PPFIA2: variants seen among roughly 807,000 people sequenced by gnomAD.
PPFIA2 encodes the protein PPFI scaffold protein A2.
A neutral mutation model predicts 175.5 loss-of-function variants in PPFIA2; 46 were observed. That is an observed-to-expected ratio of 0.26 (90% confidence interval 0.21 to 0.34). The LOEUF is 0.34. Ranked by LOEUF, PPFIA2 falls within the 10% of genes least tolerant of loss-of-function variation. PPFIA2 has a pLI of 1.00. For missense variants in PPFIA2, 1,179 were observed against 1,506.1 expected (o/e 0.78, Z 3.60); for synonymous variants, 568 against 511.4 (o/e 1.11, Z -1.49).
At chr12:81,396,151 T>C (rs1209886216) in intron 8 of PPFIA2, among the ~76,000 whole-genome samples, 1 of 152,028 alleles carries the variant, frequency 6.6e-6, no homozygotes, top group African/African-American at 2.4e-5. Flanking sequence ...ATTTATAAAG[T>C]TAATCATTAA....
At chr12:81,469,444 G>A (rs1282378770) in intron 4 of PPFIA2, among the ~76,000 whole-genome samples, 3 of 152,270 alleles carry the variant, frequency 2.0e-5, no homozygotes, top group East Asian at 3.9e-4. Flanking sequence ...AGGGTGCCCC[G>A]CATGCACCCC....
At chr12:81,663,916 C>T (rs1235129778) in intron 4 of PPFIA2, among the ~76,000 whole-genome samples, 1 of 152,130 alleles carries the variant, frequency 6.6e-6, no homozygotes, top group Non-Finnish European at 1.5e-5. Flanking sequence ...TTTGACAAAC[C>T]TGACAAAAAC....
chr12:81,520,955 G>A (rs906141411), intron 4 of PPFIA2, among the ~76,000 whole-genome samples: 2 of 152,102 alleles, frequency 1.3e-5, no homozygotes, highest in African/African-American at 4.8e-5. Context: ...ATTTTTTTAG[G>A]GGGGGTGAGG....
chr12:81,622,959 T>C (rs750628016), intron 4 of PPFIA2, among the ~76,000 whole-genome samples: 9 of 152,102 alleles, frequency 5.9e-5, no homozygotes, highest in Non-Finnish European at 1.3e-4. Context: ...AATATACACA[T>C]ACAGCAAGGT....
intron 28 of PPFIA2, among the ~76,000 whole-genome samples, chr12:81,275,681 ACT>A (rs1489679406): frequency 6.6e-6 from 1 of 151,968 alleles, no homozygotes; most frequent in African/African-American, 2.4e-5. Flanking sequence ...GCACATATCA[ACT>A]CTTGGATAAT....
intron 19 of PPFIA2, among the ~76,000 whole-genome samples, chr12:81,343,186 C>T (rs184167669): frequency 3.9e-5 from 6 of 152,088 alleles, no homozygotes; most frequent in African/African-American, 7.2e-5. Flanking sequence ...TTATTTAACT[C>T]GTTCCCCGAT....
At chr12:81,443,874 T>G (rs2050715152) in intron 6 of PPFIA2, among the ~76,000 whole-genome samples, 1 of 141,900 alleles carries the variant, frequency 7.0e-6, no homozygotes, top group Non-Finnish European at 1.5e-5. Flanking sequence ...TTTTTTTTTT[T>G]GAGACGGAGT....
chr12:81,757,863 T>C (rs908670841), intron 2 of PPFIA2, among the ~76,000 whole-genome samples: 4 of 152,186 alleles, frequency 2.6e-5, no homozygotes, highest in African/African-American at 9.7e-5. Context: ...GTAATTATTA[T>C]CCATAGTGAG....
intron 30 of PPFIA2, 79 bp downstream of exon 30, chr12:81,266,873 A>G: frequency 1.0e-6 from 1 of 980,094 alleles, no homozygotes. Flanking sequence ...ATTTCCAAGC[A>G]CTATTCCTTA....
chr12:81,446,582 C>A (rs1173673643), intron 5 of PPFIA2, among the ~76,000 whole-genome samples: 3 of 152,098 alleles, frequency 2.0e-5, no homozygotes, highest in Admixed American at 1.3e-4. Flanking sequence ...TAGTGAAGAA[C>A]CACACACAGT....
At chr12:81,382,959 G>A (rs1423915709) in intron 9 of PPFIA2, among the ~76,000 whole-genome samples, 1 of 152,110 alleles carries the variant, frequency 6.6e-6, no homozygotes, top group Non-Finnish European at 1.5e-5. Flanking sequence ...AGCCTTCGAA[G>A]AGGTAAGCAA....
chr12:81,361,634 GA>G (rs2030392942), intron 15 of PPFIA2, among the ~76,000 whole-genome samples: 1 of 151,492 alleles, frequency 6.6e-6, no homozygotes, highest in South Asian at 2.1e-4. Flanking sequence ...TTGAGAATCT[GA>G]AAAATGCTTT....
At chr12:81,315,889 T>C (rs551967983) in intron 22 of PPFIA2, among the ~76,000 whole-genome samples, 1 of 151,804 alleles carries the variant, frequency 6.6e-6, no homozygotes, top group East Asian at 1.9e-4. Context: ...TCACATTAAA[T>C]ATAACTTTTC....
chr12:81,259,723 A>G (rs1352737404), intron 32 of PPFIA2, 63 bp from the exon 33 acceptor site: 11 of 1,436,316 alleles, frequency 7.7e-6, no homozygotes, highest in African/African-American at 1.4e-5. Flanking sequence ...ATCTCATTCT[A>G]CTCCTCTGTG....
chr12:81,703,317 T>G (rs375716242), intron 3 of PPFIA2, among the ~76,000 whole-genome samples: 1 of 152,164 alleles, frequency 6.6e-6, no homozygotes, highest in East Asian at 1.9e-4. Flanking sequence ...AGCCCCAATT[T>G]TTTCTCCTTC....
intron 4 of PPFIA2, among the ~76,000 whole-genome samples, chr12:81,649,791 C>A (rs2066733372): frequency 6.6e-6 from 1 of 152,034 alleles, no homozygotes; most frequent in African/African-American, 2.4e-5. Context: ...TGAAATAAGT[C>A]ATATTGTGTG....
chr12:81,692,494 G>T (rs1385411632), intron 3 of PPFIA2, among the ~76,000 whole-genome samples: 1 of 152,194 alleles, frequency 6.6e-6, no homozygotes, highest in East Asian at 1.9e-4. Flanking sequence ...TTTCTAATCT[G>T]TTATTGAGTT....
At chr12:81,310,674 G>T (rs559048067) in intron 22 of PPFIA2, among the ~76,000 whole-genome samples, 5 of 152,034 alleles carry the variant, frequency 3.3e-5, no homozygotes, top group African/African-American at 1.2e-4. Context: ...TTTTCAAAAA[G>T]AGCTTACAAT....
chr12:81,587,827 G>C (rs936919502), intron 4 of PPFIA2, among the ~76,000 whole-genome samples: 1 of 152,004 alleles, frequency 6.6e-6, no homozygotes, highest in Admixed American at 6.6e-5. Flanking sequence ...CAGAGGCCTA[G>C]TGTTTTTCTC....
Sources: gnomAD v4.1 joint callset for allele counts (sites outside exome capture counted in the v4.1 genomes callset) on GRCh38, gnomAD v4.1.1 for gene constraint, MANE v1.5 for transcripts, NCBI Gene and HGNC (gene_info 2026-07-23, HGNC 2026-07-21) for gene names.